ZNF280D: variants seen among roughly 807,000 people sequenced by gnomAD.
The protein encoded by ZNF280D is suppressor of hairy wing homolog 4.
A neutral mutation model predicts 94.7 loss-of-function variants in ZNF280D; 39 were observed. The observed-to-expected ratio is 0.41, with a 90% CI of 0.32 to 0.54. The LOEUF (loss-of-function observed/expected upper bound fraction) is 0.54, where lower values mean the gene tolerates loss of function less well. Ranked by LOEUF, ZNF280D falls within the 20% of genes least tolerant of loss-of-function variation. The pLI is 0.22. For missense variants in ZNF280D, 1,090 were observed against 1,149.3 expected, an observed-to-expected ratio of 0.95 and a Z score of 0.75; for synonymous variants, 398 against 377.6, an observed-to-expected ratio of 1.05 and a Z score of -0.63.
intron 6 of ZNF280D, among the ~76,000 whole-genome samples, chr15:56,696,959 C>T (rs949744799): frequency 6.6e-6 from 1 of 152,214 alleles, no homozygotes; most frequent in Non-Finnish European, 1.5e-5. Context: ...TAACACCAAA[C>T]GTACAAACTC....
chr15:56,706,189 T>C (rs1449129071), intron 3 of ZNF280D, among the ~76,000 whole-genome samples: 1 of 141,838 alleles, frequency 7.1e-6, no homozygotes, highest in African/African-American at 2.6e-5. Context: ...AAGGAGAAGA[T>C]GGAGGACAGG....
At chr15:56,711,134 CA>C (rs1241246520) in intron 1 of ZNF280D, among the ~76,000 whole-genome samples, 1 of 152,184 alleles carries the variant, frequency 6.6e-6, no homozygotes, top group African/African-American at 2.4e-5. Context: ...AATTCTGACT[CA>C]ATCACTTATT....
At chr15:56,721,426 G>T (rs1367877757) in intron 1 of ZNF280D, among the ~76,000 whole-genome samples, 1 of 152,194 alleles carries the variant, frequency 6.6e-6, no homozygotes, top group African/African-American at 2.4e-5. Flanking sequence ...TTCTAGCTAT[G>T]AAAGTCCTAG....
intron 6 of ZNF280D, among the ~76,000 whole-genome samples, chr15:56,693,651 A>C (rs984165629): frequency 6.6e-6 from 1 of 152,114 alleles, no homozygotes; most frequent in East Asian, 1.9e-4. Flanking sequence ...ATCTTTGGGC[A>C]AAAGCAAGGA....
intron 12 of ZNF280D, 133 bp downstream of exon 12, chr15:56,677,441 A>G (rs1366634917): frequency 1.7e-6 from 1 of 583,338 alleles, no homozygotes; most frequent in African/African-American, 1.9e-5. Context: ...CTTGCTGCCT[A>G]TCCCTCATAT....
At chr15:56,688,406 G>A (rs1319840106) in intron 9 of ZNF280D, among the ~76,000 whole-genome samples, 2 of 151,318 alleles carry the variant, frequency 1.3e-5, no homozygotes, top group African/African-American at 2.4e-5. Context: ...CAGGAGAATG[G>A]CGTGAACCTG....
At chr15:56,666,339 A>G (rs2054282474) in intron 16 of ZNF280D, 56 bp downstream of exon 16, 5 of 1,573,434 alleles carry the variant, frequency 3.2e-6, no homozygotes, top group Non-Finnish European at 3.4e-6. Context: ...TTTTTGAAAC[A>G]GAAACTTGCT....
chr15:56,676,209 T>C (rs2055220857), intron 13 of ZNF280D, among the ~76,000 whole-genome samples: 1 of 152,114 alleles, frequency 6.6e-6, no homozygotes, highest in African/African-American at 2.4e-5. Context: ...TGACAACATG[T>C]CTTCTCATAA....
chr15:56,673,300 C>T (rs1282892665), intron 13 of ZNF280D, among the ~76,000 whole-genome samples: 3 of 152,004 alleles, frequency 2.0e-5, no homozygotes, highest in Non-Finnish European at 4.4e-5. Context: ...GTTCCTTATT[C>T]AGTCTTCCCC....
intron 1 of ZNF280D, among the ~76,000 whole-genome samples, chr15:56,708,730 C>G (rs1450134502): frequency 6.6e-6 from 1 of 152,142 alleles, no homozygotes; most frequent in Non-Finnish European, 1.5e-5. Context: ...TGATCTTTGA[C>G]AAACCTGACA....
At chr15:56,654,275 G>A (rs1393190482) in intron 18 of ZNF280D, 41 bp from the exon 19 acceptor site, 1 of 1,602,250 alleles carries the variant, frequency 6.2e-7, no homozygotes, top group Non-Finnish European at 8.5e-7. Context: ...AACAGCATAT[G>A]AAATATGATG....
At chr15:56,691,347 A>G (rs2056411124) in intron 7 of ZNF280D, among the ~76,000 whole-genome samples, 1 of 152,164 alleles carries the variant, frequency 6.6e-6, no homozygotes, top group Non-Finnish European at 1.5e-5. Flanking sequence ...TACATTGGAA[A>G]AATTCTGTAT....
At chr15:56,704,555 A>G (rs1421790797) in intron 3 of ZNF280D, among the ~76,000 whole-genome samples, 2 of 152,238 alleles carry the variant, frequency 1.3e-5, no homozygotes, top group African/African-American at 4.8e-5. Flanking sequence ...AGTCGTATAC[A>G]TAGAATATGA....
chr15:56,650,237 G>A (rs2170460), intron 19 of ZNF280D, among the ~76,000 whole-genome samples: 150,893 of 152,196 alleles, frequency 0.99, 74,821 homozygotes, highest in Middle Eastern at 1. Flanking sequence ...TGGGAAGGTT[G>A]TCTATATCAT....
At chr15:56,679,082 T>C (rs1473473581) in intron 10 of ZNF280D, among the ~76,000 whole-genome samples, 2 of 152,188 alleles carry the variant, frequency 1.3e-5, no homozygotes, top group African/African-American at 4.8e-5. Context: ...TAACTCTTAA[T>C]CATTATTTCA....
At chr15:56,644,878 T>A (rs2052802675) in intron 19 of ZNF280D, among the ~76,000 whole-genome samples, 1 of 152,180 alleles carries the variant, frequency 6.6e-6, no homozygotes, top group Non-Finnish European at 1.5e-5. Flanking sequence ...ATAACTTGCA[T>A]TAAGAGGCCT....
intron 21 of ZNF280D, among the ~76,000 whole-genome samples, chr15:56,634,685 C>A (rs1301284602): frequency 6.6e-6 from 1 of 152,132 alleles, no homozygotes; most frequent in African/African-American, 2.4e-5. Context: ...TTCAGATTCT[C>A]TTCTGCTAAA....
At position 56,704,054 on chromosome 15, in the gene ZNF280D, G is replaced by A. The variant is rs528781719; in HGVS notation, c.175+67C>T. 29 of 1,567,664 alleles carry A rather than the reference G, an allele frequency of 1.8e-5. No individual in the cohort carries two copies. In the East Asian group the frequency reaches 6.1e-4, roughly 33 times the overall value. On this transcript the variant is annotated intron_variant, in intron 4 of 21. Coordinates refer to ENST00000267807, the MANE Select transcript of ZNF280D (RefSeq NM_017661.4). Reference sequence around the variant, plus strand: ...ATGAACATCAACTACCTATTAAACAGTTCACAAGTTTTTCTACTAGAAATA... The same window carrying A: ...ATGAACATCAACTACCTATTAAACAATTCACAAGTTTTTCTACTAGAAATA...
At chr15:56,728,071 A>C (rs2058715547) in intron 1 of ZNF280D, among the ~76,000 whole-genome samples, 1 of 151,722 alleles carries the variant, frequency 6.6e-6, no homozygotes, top group African/African-American at 2.4e-5. Flanking sequence ...TCACTCTGTC[A>C]CCCAGGCTGG....
Sources: gnomAD v4.1 joint callset for allele counts (sites outside exome capture counted in the v4.1 genomes callset) on GRCh38, gnomAD v4.1.1 for gene constraint, MANE v1.5 for transcripts, NCBI Gene and HGNC (gene_info 2026-07-23, HGNC 2026-07-21) for gene names.